Variants in XKR4 observed in about 807,000 individuals in gnomAD.
XKR4 encodes XK related 4, also known as XK-related protein 4.
Under a neutral mutation model 53.9 loss-of-function variants are expected in XKR4, and 12 were observed. The observed-to-expected ratio is 0.22, with a 90% CI of 0.14 to 0.36. XKR4 has a LOEUF of 0.36. Ranked by LOEUF, XKR4 falls within the 10% of genes least tolerant of loss-of-function variation. The probability of loss-of-function intolerance (pLI) is 1.00; values close to 1 mark genes in which losing one functional copy is unlikely to be tolerated. For synonymous variants in XKR4, 354 were observed against 362.4 expected (o/e 0.98, Z 0.26); for missense variants, 799 against 859.5 (o/e 0.93, Z 0.88).
intron 2 of XKR4, among the ~76,000 whole-genome samples, chr8:55,461,822 C>T (rs533088792): frequency 1.1e-4 from 16 of 152,202 alleles, no homozygotes; most frequent in South Asian, 4.1e-4. Flanking sequence ...AACTATGTGA[C>T]GAATGCACAA....
chr8:55,406,302 G>A (rs1804680559), intron 2 of XKR4, among the ~76,000 whole-genome samples: 1 of 152,104 alleles, frequency 6.6e-6, no homozygotes, highest in African/African-American at 2.4e-5. Flanking sequence ...ATCAGAAATA[G>A]GGGTTAAAAA....
intron 2 of XKR4, among the ~76,000 whole-genome samples, chr8:55,409,809 TG>T (rs1369263479): frequency 6.6e-6 from 1 of 152,212 alleles, no homozygotes; most frequent in African/African-American, 2.4e-5. Context: ...AAATAGCTTC[TG>T]TTGAATTCCA....
intron 2 of XKR4, among the ~76,000 whole-genome samples, chr8:55,481,361 G>T (rs981531079): frequency 4.0e-5 from 6 of 151,860 alleles, no homozygotes; most frequent in African/African-American, 1.5e-4. Flanking sequence ...AGCTGAAACT[G>T]GATCCCTTCC....
At chr8:55,114,667 T>C (rs1348101088) in intron 1 of XKR4, among the ~76,000 whole-genome samples, 1 of 152,196 alleles carries the variant, frequency 6.6e-6, no homozygotes, top group Non-Finnish European at 1.5e-5. Context: ...GTTTGATTTA[T>C]ATTCACAATA....
chr8:55,208,320 T>C (rs1817678450), intron 1 of XKR4, among the ~76,000 whole-genome samples: 5 of 152,194 alleles, frequency 3.3e-5, no homozygotes, highest in Admixed American at 6.5e-5. Flanking sequence ...AGCAGAGATA[T>C]GATGAAAATT....
intron 2 of XKR4, among the ~76,000 whole-genome samples, chr8:55,369,515 G>GA (rs2129385890): frequency 8.7e-6 from 1 of 115,580 alleles, no homozygotes; most frequent in Non-Finnish European, 1.7e-5. Context: ...AAAGAAAAGG[G>GA]AAGGAGAGGG....
chr8:55,487,681 C>G (rs765353251), intron 2 of XKR4, among the ~76,000 whole-genome samples: 1 of 152,102 alleles, frequency 6.6e-6, no homozygotes, highest in Non-Finnish European at 1.5e-5. Context: ...GTTGGCCAGG[C>G]TGGTCTTGAA....
intron 1 of XKR4, among the ~76,000 whole-genome samples, chr8:55,259,767 C>T (rs1224499105): frequency 6.6e-6 from 1 of 152,148 alleles, no homozygotes; most frequent in Non-Finnish European, 1.5e-5. Context: ...AATTAATAGT[C>T]CTGAATCCTA....
At chr8:55,246,064 T>G (rs1372890490) in intron 1 of XKR4, among the ~76,000 whole-genome samples, 4 of 152,236 alleles carry the variant, frequency 2.6e-5, no homozygotes, top group East Asian at 3.8e-4. Flanking sequence ...ATTGTGTCAC[T>G]GAACTATAGC....
Position 55,525,369 on chromosome 8 carries a change from CTT to C in XKR4, c.*1145_*1146del, listed in dbSNP as rs1400503353. 1 of 152,698 alleles carries C rather than the reference CTT, an allele frequency of 6.5e-6. No homozygotes were observed. The highest frequency in any genetic ancestry group is 2.4e-5 in the African/African-American group (1 of 41,460). The allele number at this position is 152,698 out of a possible 1,614,324, so 9.5% of individuals were successfully genotyped here. ...AATCAAGTTCTCCACTGTGTACAGA[CTT>C]TTCCTCCCCCCAATCCAAGGTCAAA... On this transcript the variant is annotated 3_prime_UTR_variant, in exon 3 of 3. Transcript: ENST00000327381.
rs542999876 is a variant in XKR4, at chr8:55,495,863, A to G, written c.1007-27418A>G. On this transcript the variant is annotated intron_variant, in intron 2 of 2. Transcript: ENST00000327381. ...TCGCTGCAGCTGGTGGCCACTCCAG[A>G]TGGCCTGCAGCTGCCATCACATTCA... 2.6e-4 allele frequency among the ~76,000 whole-genome samples: 40 copies of G among 152,362 alleles called. 1 individual carries two copies. Among genetic ancestry groups the G allele is most frequent in the Admixed American group, 2.5e-3 (38 of 15,306 alleles).
At chr8:55,419,113 G>A (rs566163366) in intron 2 of XKR4, among the ~76,000 whole-genome samples, 1 of 152,182 alleles carries the variant, frequency 6.6e-6, no homozygotes, top group African/African-American at 2.4e-5. Context: ...GGCCAGGCAC[G>A]GTGGCTCACG....
chr8:55,369,885 A>G (rs775469273), intron 2 of XKR4, among the ~76,000 whole-genome samples: 23 of 152,172 alleles, frequency 1.5e-4, no homozygotes, highest in Non-Finnish European at 2.1e-4. Context: ...AAATAATGCT[A>G]TGATAAACAC....
intron 2 of XKR4, among the ~76,000 whole-genome samples, chr8:55,433,323 T>A (rs371568709): frequency 2.0e-5 from 3 of 152,226 alleles, no homozygotes; most frequent in Admixed American, 6.5e-5. Context: ...ATAGTGAGCC[T>A]ATACAGAAGT....
Position 55,453,887 on chromosome 8 carries a change from C to T in XKR4, c.1007-69394C>T. On this transcript the variant is annotated intron_variant, in intron 2 of 2. Transcript: ENST00000327381. ...GTCCGTGGGGCAGTACGGGACCCCACACTCCAACACAAAGAGAGCAAAGGC... is the reference window on the plus strand; with the variant it reads ...GTCCGTGGGGCAGTACGGGACCCCATACTCCAACACAAAGAGAGCAAAGGC... 3.1e-5 allele frequency: 18 copies of T among 580,624 alleles called. 1 individual carries two copies. The highest frequency in any genetic ancestry group is 2.7e-4 in the South Asian group (18 of 66,116). 36.0% of individuals were successfully genotyped at this position (580,624 alleles called of 1,614,324 possible).
intron 1 of XKR4, among the ~76,000 whole-genome samples, chr8:55,185,003 T>G (rs1817357646): frequency 6.6e-6 from 1 of 152,232 alleles, no homozygotes; most frequent in East Asian, 1.9e-4. Flanking sequence ...ACAGTTCGTC[T>G]AACCTTATAC....
chr8:55,212,483 T>C (rs1210161754), intron 1 of XKR4, among the ~76,000 whole-genome samples: 2 of 152,178 alleles, frequency 1.3e-5, no homozygotes, highest in African/African-American at 4.8e-5. Flanking sequence ...TGTGTTAATG[T>C]TAATGCTGGT....
chr8:55,276,868 AAG>A (rs1362958201), intron 1 of XKR4, among the ~76,000 whole-genome samples: 1 of 152,236 alleles, frequency 6.6e-6, no homozygotes, highest in African/African-American at 2.4e-5. Flanking sequence ...TGGAAAGAGA[AAG>A]AACAAAATAA....
intron 1 of XKR4, among the ~76,000 whole-genome samples, chr8:55,148,757 A>T (rs1038657342): frequency 6.6e-6 from 1 of 152,158 alleles, no homozygotes; most frequent in Non-Finnish European, 1.5e-5. Flanking sequence ...AAACCCATGA[A>T]GTGGTCAATT....
Sources: allele counts gnomAD v4.1 joint callset (sites outside exome capture counted in the v4.1 genomes callset), GRCh38; gene constraint gnomAD v4.1.1; transcripts MANE v1.5; gene names NCBI Gene and HGNC (gene_info 2026-07-23, HGNC 2026-07-21).